GABRG3: variants seen among roughly 807,000 people sequenced by gnomAD.
GABRG3 encodes the protein gamma-aminobutyric acid type A receptor subunit gamma3, also known as gamma-aminobutyric acid receptor subunit gamma-3.
GABRG3 carries 25 observed loss-of-function variants against 48.8 expected under a neutral mutation model. The ratio of observed to expected loss-of-function variants is 0.51; its 90% confidence interval spans 0.37 to 0.72. The LOEUF (loss-of-function observed/expected upper bound fraction) is 0.72. Ranked by LOEUF, GABRG3 falls within the 30% of genes least tolerant of loss-of-function variation. The pLI is 0.00. For missense variants in GABRG3, 394 were observed against 577.9 expected, an observed-to-expected ratio of 0.68 and a Z score of 3.26; for synonymous variants, 227 against 217.6, an observed-to-expected ratio of 1.04 and a Z score of -0.38.
chr15:27,307,968 A>G (rs1373569888), intron 3 of GABRG3, among the ~76,000 whole-genome samples: 2 of 136,758 alleles, frequency 1.5e-5, no homozygotes, highest in Non-Finnish European at 1.5e-5. Flanking sequence ...ACATGTTTAT[A>G]TATAAACATA....
At chr15:27,391,136 G>T (rs763589594) in intron 5 of GABRG3, among the ~76,000 whole-genome samples, 8 of 150,932 alleles carry the variant, frequency 5.3e-5, no homozygotes, top group African/African-American at 7.3e-5. Context: ...ACCTGATGCA[G>T]ATGTGGAGAA....
At chr15:27,472,874 A>G (rs1020549842) in intron 5 of GABRG3, among the ~76,000 whole-genome samples, 5 of 152,128 alleles carry the variant, frequency 3.3e-5, no homozygotes, top group South Asian at 2.1e-4. Flanking sequence ...TAACACAAAC[A>G]TACACTGCAT....
chr15:27,464,796 A>G (rs558628844), intron 5 of GABRG3, among the ~76,000 whole-genome samples: 19 of 152,254 alleles, frequency 1.2e-4, no homozygotes, highest in Admixed American at 4.6e-4. Flanking sequence ...CCCATTTTTA[A>G]ATGGACTATT....
chr15:26,991,933 G>A (rs1177301382), intron 2 of GABRG3, among the ~76,000 whole-genome samples: 2 of 152,070 alleles, frequency 1.3e-5, no homozygotes, highest in African/African-American at 4.8e-5. Flanking sequence ...TGTTAGCCAG[G>A]ATGGTCTTGA....
At position 27,466,428 on chromosome 15, in the gene GABRG3, A is replaced by G. The variant is rs79815648; in HGVS notation, c.575-14222A>G. 3.6e-3 allele frequency among the ~76,000 whole-genome samples: 551 copies of G among 151,930 alleles called. 7 individuals carry two copies. The highest frequency in any genetic ancestry group is 0.013 in the African/African-American group (546 of 41,272). On this transcript the variant is annotated intron_variant, in intron 5 of 9. Transcript: ENST00000615808. ...ATTATTATACTTGGACACATTAACA[A>G]CTACAGACAAGAAAATGATCCCAAT...
chr15:27,288,632 G>T (rs1255043899), intron 3 of GABRG3, among the ~76,000 whole-genome samples: 1 of 151,446 alleles, frequency 6.6e-6, no homozygotes, highest in Admixed American at 6.6e-5. Flanking sequence ...AGAATCACTT[G>T]AACCCAGGAG....
chr15:27,324,642 T>G (rs2140517120), intron 3 of GABRG3, among the ~76,000 whole-genome samples: 1 of 152,352 alleles, frequency 6.6e-6, no homozygotes, highest in Non-Finnish European at 1.5e-5. Context: ...AGTAGTCATT[T>G]TTCTTCCTGA....
intron 3 of GABRG3, chr15:27,271,403 A>G: frequency 2.8e-6 from 1 of 362,942 alleles, no homozygotes; most frequent in South Asian, 2.1e-5. Context: ...GGTCTTACGC[A>G]GGGAGCTGCG....
At position 27,179,703 on chromosome 15, in the gene GABRG3, C is replaced by A. The variant is rs942914015; in HGVS notation, c.271-147106C>A. On this transcript the variant is annotated intron_variant, in intron 3 of 9. Transcript: ENST00000615808. This position sits in a 1 kb window ranked among gnomAD's most constrained non-coding sequence, Gnocchi z 4.0. ...ATCTTCAGAAGTTTTGTTTGATTCT[C>A]TATTTGTTGCCATCTGTTCTGTGTC... Among the ~76,000 whole-genome samples, 1 of 152,114 alleles carries A rather than the reference C, an allele frequency of 6.6e-6. No homozygotes were observed. Among genetic ancestry groups the A allele is most frequent in the African/African-American group, 2.4e-5 (1 of 41,404 alleles).
intron 3 of GABRG3, among the ~76,000 whole-genome samples, chr15:27,251,355 C>G (rs980714862): frequency 6.6e-6 from 1 of 152,102 alleles, no homozygotes; most frequent in East Asian, 1.9e-4. Flanking sequence ...AGGCTTTTCC[C>G]AGACAGGTTG....
intron 3 of GABRG3, among the ~76,000 whole-genome samples, chr15:27,116,779 T>G (rs1897648455): frequency 2.0e-5 from 3 of 152,168 alleles, no homozygotes; most frequent in Non-Finnish European, 4.4e-5. Flanking sequence ...CATTTGGCCT[T>G]TTTGCCCTTC....
At chr15:27,046,220 A>T (rs1005062068) in intron 3 of GABRG3, among the ~76,000 whole-genome samples, 3 of 151,034 alleles carry the variant, frequency 2.0e-5, no homozygotes, top group Admixed American at 2.0e-4. Flanking sequence ...CAGCCTCCCG[A>T]GTAGCTGGGA....
intron 3 of GABRG3, among the ~76,000 whole-genome samples, chr15:27,120,547 CT>C (rs1897713545): frequency 1.3e-5 from 2 of 152,042 alleles, no homozygotes; most frequent in Admixed American, 1.3e-4. Context: ...TCTTTGGCCC[CT>C]GATAAAGTAA....
chr15:27,411,196 G>A (rs557848111), intron 5 of GABRG3, among the ~76,000 whole-genome samples: 2 of 152,130 alleles, frequency 1.3e-5, no homozygotes, highest in Admixed American at 6.5e-5. Context: ...TTAAACGACT[G>A]TGGTTAGTAG....
intron 6 of GABRG3, among the ~76,000 whole-genome samples, chr15:27,490,053 G>C (rs114371677): frequency 6.6e-6 from 1 of 152,104 alleles, no homozygotes; most frequent in Admixed American, 6.5e-5. Flanking sequence ...CTTGTTAAAG[G>C]TTGTAAGGAA....
chr15:27,494,664 T>C (rs1890439575), intron 6 of GABRG3, among the ~76,000 whole-genome samples: 1 of 152,218 alleles, frequency 6.6e-6, no homozygotes, highest in Non-Finnish European at 1.5e-5. Flanking sequence ...ATCCCTCTGA[T>C]GTCCTTACAA....
chr15:27,052,543 G>A (rs1304439668), intron 3 of GABRG3, among the ~76,000 whole-genome samples: 2 of 152,166 alleles, frequency 1.3e-5, no homozygotes, highest in African/African-American at 4.8e-5. Flanking sequence ...GAGGGTGCAT[G>A]ATGGCAGGCC....
intron 5 of GABRG3, among the ~76,000 whole-genome samples, chr15:27,475,173 T>C (rs761874891): frequency 5.3e-5 from 8 of 151,916 alleles, no homozygotes; most frequent in Non-Finnish European, 7.4e-5. Flanking sequence ...TTGGGGAACA[T>C]GACAATCAGA....
At chr15:27,459,864 A>C (rs945167863) in intron 5 of GABRG3, among the ~76,000 whole-genome samples, 5 of 152,242 alleles carry the variant, frequency 3.3e-5, no homozygotes, top group Non-Finnish European at 5.9e-5. Context: ...AGCAAGTGTA[A>C]CTTTTCATTA....
Sources: gnomAD v4.1 joint callset for allele counts (sites outside exome capture counted in the v4.1 genomes callset) on GRCh38, gnomAD v4.1.1 for gene constraint, Gnocchi (gnomAD v3.1) non-coding constraint, MANE v1.5 for transcripts, NCBI Gene and HGNC (gene_info 2026-07-23, HGNC 2026-07-21) for gene names.